Variants in ST18 observed in about 807,000 individuals in gnomAD.
The protein encoded by ST18 is ST18 C2H2C-type zinc finger transcription factor.
In ST18, 50 loss-of-function variants were observed where a neutral mutation model predicts 110.0. The ratio of observed to expected loss-of-function variants is 0.45; its 90% CI spans 0.36 to 0.58. The LOEUF (loss-of-function observed/expected upper bound fraction) is 0.58. Among genes scored for constraint, ST18 ranks in the 20% least tolerant of loss-of-function variants. ST18 has a pLI of 0.00. For missense variants in ST18, 1,306 were observed against 1,280.1 expected, an observed-to-expected ratio of 1.02 and a Z score of -0.31; for synonymous variants, 461 against 452.4, an observed-to-expected ratio of 1.02 and a Z score of -0.24.
chr8:52,138,707 T>C (rs1476340931), intron 17 of ST18, among the ~76,000 whole-genome samples: 1 of 152,216 alleles, frequency 6.6e-6, no homozygotes, highest in Non-Finnish European at 1.5e-5. Context: ...AGTCACTCAT[T>C]TGTAATAAGC....
chr8:52,234,876 A>ACAT (rs970446093), intron 2 of ST18, among the ~76,000 whole-genome samples: 1 of 152,090 alleles, frequency 6.6e-6, no homozygotes, highest in African/African-American at 2.4e-5. Flanking sequence ...GGAAAACCAA[A>ACAT]CATTATATGT....
chr8:52,209,784 A>ATAT (rs1399614092), intron 8 of ST18, among the ~76,000 whole-genome samples: 7 of 138,250 alleles, frequency 5.1e-5, no homozygotes, highest in African/African-American at 1.9e-4. Context: ...AAAAAAAAAA[A>ATAT]AAAAATATAT....
At chr8:52,175,564 C>T (rs7834888) in intron 9 of ST18, among the ~76,000 whole-genome samples, 23,578 of 152,140 alleles carry the variant, frequency 0.15, 4,289 homozygotes, top group African/African-American at 0.44. Context: ...AGACTGGGTC[C>T]TCATCTTCAA....
intron 8 of ST18, among the ~76,000 whole-genome samples, chr8:52,205,541 T>C (rs916927268): frequency 6.6e-6 from 1 of 152,136 alleles, no homozygotes; most frequent in Admixed American, 6.5e-5. Flanking sequence ...TCTGTTTTTT[T>C]AAAAAAATTT....
chr8:52,127,004 A>G (rs1459329667), intron 22 of ST18, among the ~76,000 whole-genome samples: 3 of 152,244 alleles, frequency 2.0e-5, no homozygotes, highest in Admixed American at 6.5e-5. Context: ...GTGTTTTCGT[A>G]GAAACAATTT....
intron 2 of ST18, among the ~76,000 whole-genome samples, chr8:52,345,228 C>T (rs1817187667): frequency 1.3e-5 from 2 of 152,116 alleles, no homozygotes; most frequent in Non-Finnish European, 2.9e-5. Flanking sequence ...ACTTACTTTT[C>T]AATTTAAAAG....
chr8:52,116,362 T>C lies in ST18; in HGVS notation c.2916A>G (p.Glu972=), dbSNP rs976333786. ...KTIEEENKLI[E]QNNESLLKEL... is the part of the protein sequence containing the mutation. ...CTTTCAGCAGACTTTCATTGTTCTGTTCTATGAGTTTGTTCTCCTCCTCTA... is the reference window on the plus strand; with the variant it reads ...CTTTCAGCAGACTTTCATTGTTCTGCTCTATGAGTTTGTTCTCCTCCTCTA... Residue 972 remains glutamate, a synonymous_variant, in exon 25 of 26, where the codon GAA becomes GAG. Coordinates refer to ENST00000689386, the MANE Select transcript of ST18 (RefSeq NM_001352837.2). The C allele has an allele frequency of 4.3e-6, 7 of 1,613,906 alleles. No individual in the cohort carries two copies. In the African/African-American group the frequency reaches 8.0e-5, roughly 18 times the overall value.
chr8:52,262,954 G>T (rs16917594), intron 2 of ST18, among the ~76,000 whole-genome samples: 5,894 of 152,248 alleles, frequency 0.039, 401 homozygotes, highest in African/African-American at 0.13. Context: ...TTTTTCCACT[G>T]CTCAACTCAG....
At chr8:52,198,023 G>C (rs932924193) in intron 8 of ST18, among the ~76,000 whole-genome samples, 1 of 152,110 alleles carries the variant, frequency 6.6e-6, no homozygotes, top group Non-Finnish European at 1.5e-5. Flanking sequence ...TTGTTTGTTT[G>C]TTTGTTTTTG....
chr8:52,324,301 TGATGGATG>T (rs201977608), intron 2 of ST18, among the ~76,000 whole-genome samples: 251 of 150,944 alleles, frequency 1.7e-3, no homozygotes, highest in African/African-American at 5.1e-3. Flanking sequence ...GGTTGATAGA[TGATGGATG>T]GATGGATGGA....
chr8:52,236,684 C>A (rs1166815555), intron 2 of ST18, among the ~76,000 whole-genome samples: 1 of 151,248 alleles, frequency 6.6e-6, no homozygotes, highest in Non-Finnish European at 1.5e-5. Context: ...AAGATGGCAT[C>A]TTTCTTTGAG....
chr8:52,152,853 C>A (rs2059155390), intron 15 of ST18, among the ~76,000 whole-genome samples: 2 of 152,158 alleles, frequency 1.3e-5, no homozygotes, highest in South Asian at 2.1e-4. Flanking sequence ...AAATATGCCA[C>A]CCCTATTTAA....
chr8:52,271,861 T>C (rs939081485), intron 2 of ST18, among the ~76,000 whole-genome samples: 5 of 152,250 alleles, frequency 3.3e-5, no homozygotes, highest in Non-Finnish European at 5.9e-5. Context: ...AATAAAGTTT[T>C]GGTCTATTCA....
intron 8 of ST18, among the ~76,000 whole-genome samples, chr8:52,198,829 A>T (rs144979380): frequency 6.6e-6 from 1 of 152,326 alleles, no homozygotes; most frequent in East Asian, 1.9e-4. Context: ...CAAGCTCCAC[A>T]TATCACTTTC....
intron 2 of ST18, among the ~76,000 whole-genome samples, chr8:52,309,180 C>T (rs925801831): frequency 6.6e-6 from 1 of 151,964 alleles, no homozygotes; most frequent in African/African-American, 2.4e-5. Flanking sequence ...CGGTGGCTAC[C>T]CAAGGTGCAA....
rs547506293 is a variant in ST18 at position 52,363,417 on chromosome 8, G to A, written c.-465+45911C>T. Among the ~76,000 whole-genome samples the A allele has an allele frequency of 1.6e-3, 240 of 152,146 alleles. 2 individuals carry two copies. The highest frequency in any genetic ancestry group is 2.5e-3 in the Non-Finnish European group (168 of 68,014). On this transcript the variant is annotated intron_variant, in intron 2 of 25. Transcript: ENST00000689386. ...TTCCTTTTAGTCTTTCACATGTTCA[G>A]CCTGTTAATTAATAAAACAATCACA...
intron 2 of ST18, among the ~76,000 whole-genome samples, chr8:52,324,311 A>G (rs1294728551): frequency 1.3e-5 from 2 of 151,660 alleles, no homozygotes; most frequent in Non-Finnish European, 2.9e-5. Context: ...TGATGGATGG[A>G]TGGATGGATG....
chr8:52,239,367 A>G (rs2137470487), intron 2 of ST18, among the ~76,000 whole-genome samples: 1 of 152,348 alleles, frequency 6.6e-6, no homozygotes, highest in Non-Finnish European at 1.5e-5. Context: ...TTATATCTCA[A>G]GAAAGCTGTT....
At chr8:52,350,031 C>T (rs908950437) in intron 2 of ST18, among the ~76,000 whole-genome samples, 1 of 152,112 alleles carries the variant, frequency 6.6e-6, no homozygotes, top group Admixed American at 6.5e-5. Context: ...TTCCACACCC[C>T]GCAGGACCTC....
Sources: gnomAD v4.1 joint callset for allele counts (sites outside exome capture counted in the v4.1 genomes callset) on GRCh38, gnomAD v4.1.1 for gene constraint, MANE v1.5 for transcripts, NCBI Gene and HGNC (gene_info 2026-07-23, HGNC 2026-07-21) for gene names.